Variants in STK3 observed in about 807,000 individuals in gnomAD.
STK3 encodes serine/threonine-protein kinase 3.
STK3 carries 41 observed loss-of-function variants against 58.0 expected under a neutral mutation model. That is an observed-to-expected ratio of 0.71 (90% CI 0.55 to 0.92). The LOEUF (loss-of-function observed/expected upper bound fraction) is 0.92, where lower values mean the gene tolerates loss of function less well. Ranked by LOEUF, STK3 falls within the 40% of genes least tolerant of loss-of-function variation. The pLI is 0.00. For missense variants in STK3, 479 were observed against 602.7 expected (o/e 0.79, Z 2.15); for synonymous variants, 170 against 191.0 (o/e 0.89, Z 0.91).
chr8:98,532,691 A>C (rs985683991), intron 9 of STK3, among the ~76,000 whole-genome samples: 2 of 152,212 alleles, frequency 1.3e-5, no homozygotes, highest in African/African-American at 4.8e-5. Context: ...AAAATGGTTA[A>C]GATGGTGAAT....
intron 4 of STK3, among the ~76,000 whole-genome samples, chr8:98,737,913 T>C (rs1178962937): frequency 6.6e-6 from 1 of 152,110 alleles, no homozygotes; most frequent in Non-Finnish European, 1.5e-5. Context: ...TTTTGCCGTG[T>C]TGGCCAGGCT....
intron 1 of STK3, among the ~76,000 whole-genome samples, chr8:98,919,144 G>A (rs180857771): frequency 3.5e-4 from 53 of 152,276 alleles, no homozygotes; most frequent in African/African-American, 1.2e-3. Context: ...TATCCAACAG[G>A]CCCCAGGGGA....
chr8:98,632,938 C>T (rs1819366763), intron 6 of STK3, among the ~76,000 whole-genome samples: 1 of 151,888 alleles, frequency 6.6e-6, no homozygotes, highest in South Asian at 2.1e-4. Flanking sequence ...ATTATGTACC[C>T]CAAATTTGTA....
intron 6 of STK3, among the ~76,000 whole-genome samples, chr8:98,650,725 T>C (rs1587156135): frequency 6.6e-6 from 1 of 151,946 alleles, no homozygotes. Context: ...GCCCACGGAG[T>C]CTCGCTGATT....
intron 4 of STK3, among the ~76,000 whole-genome samples, chr8:98,731,486 G>A (rs1021080360): frequency 3.3e-5 from 5 of 152,112 alleles, no homozygotes; most frequent in African/African-American, 7.2e-5. Context: ...TTGGGAGGCC[G>A]AGGTGGGAGG....
At chr8:98,912,539 C>A (rs1440046566) in intron 1 of STK3, among the ~76,000 whole-genome samples, 1 of 152,162 alleles carries the variant, frequency 6.6e-6, no homozygotes, top group Non-Finnish European at 1.5e-5. Context: ...GCCACAGGCT[C>A]TCTTCATAGG....
rs191924089 is a variant in STK3, at chr8:98,845,237, C to T, written c.110+38410G>A. On this transcript the variant is annotated intron_variant, in intron 3 of 12. Transcript: ENST00000523601. ...TTTCACTGAGTTTTTGTTTTGCATTCAGTTTTATAATATATTTATCAATTT... is the reference window on the plus strand; with the variant it reads ...TTTCACTGAGTTTTTGTTTTGCATTTAGTTTTATAATATATTTATCAATTT... Among the ~76,000 whole-genome samples the T allele has an allele frequency of 8.7e-4, 133 of 152,184 alleles. 1 individual carries two copies. Among genetic ancestry groups the T allele is most frequent in the African/African-American group, 3.0e-3 (125 of 41,520 alleles).
At chr8:98,921,838 C>T (rs866151258) in intron 1 of STK3, among the ~76,000 whole-genome samples, 4 of 152,096 alleles carry the variant, frequency 2.6e-5, no homozygotes, top group African/African-American at 4.8e-5. Context: ...ACTACAGGTG[C>T]GCACCACCAA....
At chr8:98,696,418 C>T (rs1284379755) in intron 6 of STK3, among the ~76,000 whole-genome samples, 1 of 151,506 alleles carries the variant, frequency 6.6e-6, no homozygotes, top group African/African-American at 2.4e-5. Context: ...TGAGAGAGGG[C>T]ATCCCTGTCT....
intron 6 of STK3, among the ~76,000 whole-genome samples, chr8:98,670,013 C>T (rs1033968115): frequency 7.2e-5 from 11 of 152,120 alleles, no homozygotes; most frequent in African/African-American, 1.9e-4. Context: ...ACTTTTCAAC[C>T]CTTTTGAAGG....
chr8:98,412,529 C>A (rs1196332064), intron 3 of STK3, among the ~76,000 whole-genome samples: 2 of 152,218 alleles, frequency 1.3e-5, no homozygotes, highest in African/African-American at 4.8e-5. Flanking sequence ...CTTACAGTAG[C>A]TGTTGTGCTC....
At chr8:98,637,045 C>T (rs1480785103) in intron 6 of STK3, among the ~76,000 whole-genome samples, 1 of 149,394 alleles carries the variant, frequency 6.7e-6, no homozygotes, top group Admixed American at 6.7e-5. Flanking sequence ...TAATATACAT[C>T]ATTTGTAAGA....
At chr8:98,779,350 A>G (rs1229165359) in intron 1 of STK3, among the ~76,000 whole-genome samples, 2 of 152,202 alleles carry the variant, frequency 1.3e-5, no homozygotes, top group African/African-American at 4.8e-5. Flanking sequence ...GCAGTTAAGT[A>G]CTTATGCATG....
intron 3 of STK3, chr8:98,413,560 C>G (rs1297385286): frequency 4.6e-6 from 3 of 657,284 alleles, no homozygotes; most frequent in Non-Finnish European, 5.9e-6. Flanking sequence ...AGGTCAGAGA[C>G]AGATGACAAC....
chr8:98,904,603 G>C, intron 1 of STK3: 1 of 581,750 alleles, frequency 1.7e-6, no homozygotes, highest in Non-Finnish European at 3.4e-6. Context: ...GTTTTTAAAA[G>C]GCTGAGTACC....
intron 1 of STK3, among the ~76,000 whole-genome samples, chr8:98,793,210 G>A (rs1474823305): frequency 6.6e-6 from 1 of 152,016 alleles, no homozygotes; most frequent in Non-Finnish European, 1.5e-5. Context: ...GATAAAAGAC[G>A]ACAAATTGGG....
intron 6 of STK3, among the ~76,000 whole-genome samples, chr8:98,656,624 T>G (rs1276341700): frequency 2.0e-5 from 3 of 152,200 alleles, no homozygotes; most frequent in Non-Finnish European, 1.5e-5. Flanking sequence ...CTTGATATTC[T>G]TTAATTTATG....
chr8:98,578,414 T>C (rs113081190), intron 8 of STK3, among the ~76,000 whole-genome samples: 4,861 of 152,342 alleles, frequency 0.032, 114 homozygotes, highest in Non-Finnish European at 0.047. Flanking sequence ...CCTCACTAGG[T>C]AGTCCATGAC....
At chr8:98,629,425 A>G (rs936484684) in intron 6 of STK3, among the ~76,000 whole-genome samples, 1 of 152,274 alleles carries the variant, frequency 6.6e-6, no homozygotes, top group East Asian at 1.9e-4. Flanking sequence ...TCTCACAAAC[A>G]TTGGTTCATA....
Sources: allele counts gnomAD v4.1 joint callset (sites outside exome capture counted in the v4.1 genomes callset), GRCh38; gene constraint gnomAD v4.1.1; transcripts MANE v1.5; gene names NCBI Gene and HGNC (gene_info 2026-07-23, HGNC 2026-07-21).